The following WDR41 variants were observed in gnomAD, a reference collection of about 807,000 sequenced individuals.
WDR41 encodes the protein WD repeat domain 41.
A neutral mutation model predicts 69.3 loss-of-function variants in WDR41; 63 were observed. The ratio of observed to expected loss-of-function variants is 0.91; its 90% CI spans 0.74 to 1.12. The LOEUF (loss-of-function observed/expected upper bound fraction) is 1.12. Among genes scored for constraint, WDR41 ranks in the 50% most tolerant of loss-of-function variants. The pLI, the probability that WDR41 is intolerant of heterozygous loss-of-function variation, is 0.00. For missense variants in WDR41, 543 were observed against 534.5 expected (o/e 1.02, Z -0.16); for synonymous variants, 185 against 192.1 (o/e 0.96, Z 0.31).
chr5:77,590,695 A>G (rs1431875297), intron 1 of WDR41, among the ~76,000 whole-genome samples: 1 of 152,204 alleles, frequency 6.6e-6, no homozygotes, highest in East Asian at 1.9e-4. Flanking sequence ...CTGTGTGATA[A>G]GGGAGGAGTC....
chr5:77,567,845 C>T (rs1743661813), intron 1 of WDR41, among the ~76,000 whole-genome samples: 2 of 151,906 alleles, frequency 1.3e-5, no homozygotes, highest in East Asian at 1.9e-4. Flanking sequence ...TCCTCCTACT[C>T]CTCCCGTCTC....
intron 1 of WDR41, among the ~76,000 whole-genome samples, chr5:77,511,476 C>T (rs1802202569): frequency 6.6e-6 from 1 of 152,184 alleles, no homozygotes; most frequent in Non-Finnish European, 1.5e-5. Flanking sequence ...TCCACCATAA[C>T]ATATTCCATT....
intron 11 of WDR41, among the ~76,000 whole-genome samples, chr5:77,436,833 T>C (rs1216089424): frequency 2.6e-5 from 4 of 152,210 alleles, no homozygotes; most frequent in Non-Finnish European, 2.9e-5. Context: ...TCTGATTTCT[T>C]GTGCAAAGGT....
chr5:77,534,088 G>A (rs568336193), intron 1 of WDR41, among the ~76,000 whole-genome samples: 1 of 152,212 alleles, frequency 6.6e-6, no homozygotes, highest in Non-Finnish European at 1.5e-5. Flanking sequence ...GTTCACCGCT[G>A]CAGCTGAATC....
intron 1 of WDR41, among the ~76,000 whole-genome samples, chr5:77,599,501 G>A (rs1310077537): frequency 1.3e-5 from 2 of 151,868 alleles, no homozygotes; most frequent in Non-Finnish European, 2.9e-5. Flanking sequence ...CACCCTGCCT[G>A]GAAGCTCTTA....
intron 1 of WDR41, among the ~76,000 whole-genome samples, chr5:77,509,790 T>C (rs1028605022): frequency 2.6e-5 from 4 of 152,194 alleles, no homozygotes; most frequent in African/African-American, 9.7e-5. Context: ...TATCTGTAAA[T>C]AGGTTAAAAA....
At chr5:77,548,191 A>G (rs1042581677) in intron 1 of WDR41, among the ~76,000 whole-genome samples, 3 of 152,210 alleles carry the variant, frequency 2.0e-5, no homozygotes, top group African/African-American at 7.2e-5. Context: ...AGAAGATAAC[A>G]TTGGAAAAAC....
At chr5:77,601,691 C>A (rs1397584900) in intron 1 of WDR41, among the ~76,000 whole-genome samples, 1 of 152,188 alleles carries the variant, frequency 6.6e-6, no homozygotes, top group African/African-American at 2.4e-5. Flanking sequence ...GTTCACCACC[C>A]AATGGCTCAT....
chr5:77,583,467 G>T (rs562094773), intron 1 of WDR41, among the ~76,000 whole-genome samples: 1 of 150,742 alleles, frequency 6.6e-6, no homozygotes, highest in African/African-American at 2.4e-5. Flanking sequence ...AGTTGAGATC[G>T]TACCACCACA....
intron 4 of WDR41, among the ~76,000 whole-genome samples, chr5:77,462,101 T>C (rs1800094233): frequency 6.6e-6 from 1 of 151,996 alleles, no homozygotes; most frequent in African/African-American, 2.4e-5. Context: ...ATTTTTTTCA[T>C]CTGTAAATAA....
intron 2 of WDR41, among the ~76,000 whole-genome samples, chr5:77,466,909 T>C (rs1441421533): frequency 6.6e-6 from 1 of 151,592 alleles, no homozygotes; most frequent in Non-Finnish European, 1.5e-5. Flanking sequence ...CACATATTAG[T>C]ACCTGTCATA....
chr5:77,524,695 T>C (rs1390546563), intron 1 of WDR41, among the ~76,000 whole-genome samples: 1 of 152,186 alleles, frequency 6.6e-6, no homozygotes, highest in East Asian at 1.9e-4. Flanking sequence ...CTCAACTCCA[T>C]AGCTCTTACT....
At chr5:77,544,891 C>A (rs145044705) in intron 1 of WDR41, among the ~76,000 whole-genome samples, 1 of 151,922 alleles carries the variant, frequency 6.6e-6, no homozygotes, top group Non-Finnish European at 1.5e-5. Flanking sequence ...GCGCATGGAA[C>A]TTTCTCCAGG....
At chr5:77,523,540 T>C (rs1192829829) in intron 1 of WDR41, among the ~76,000 whole-genome samples, 1 of 152,066 alleles carries the variant, frequency 6.6e-6, no homozygotes, top group Admixed American at 6.5e-5. Context: ...CAGTAAAGTA[T>C]ACTAGTGCCA....
chr5:77,614,368 T>G (rs1335974168), intron 1 of WDR41, among the ~76,000 whole-genome samples: 1 of 151,682 alleles, frequency 6.6e-6, no homozygotes, highest in African/African-American at 2.4e-5. Context: ...GTGGCACTAT[T>G]CACAATAGCA....
chr5:77,430,969 T>TGAGAA lies in WDR41; in HGVS notation c.*2161_*2165dup, dbSNP rs763452470. 2.0e-5 allele frequency: 3 copies of TGAGAA among 152,114 alleles called. No individual in the cohort carries two copies. The highest frequency in any genetic ancestry group is 4.4e-5 in the Non-Finnish European group (3 of 68,026). 9.4% of individuals were successfully genotyped at this position (152,114 alleles called of 1,614,324 possible). On this transcript the variant is annotated 3_prime_UTR_variant, in exon 13 of 13. Transcript: ENST00000296679. The stretch of plus-strand genomic sequence containing the variant: ...AATCTCATGATCAAACTTTAATAGA[T>TGAGAA]GAGAAGTTGCTTAAGAATGTGTATA...
intron 1 of WDR41, among the ~76,000 whole-genome samples, chr5:77,503,908 C>A (rs907165317): frequency 6.6e-6 from 1 of 152,028 alleles, no homozygotes; most frequent in Non-Finnish European, 1.5e-5. Context: ...GCACTAAATG[C>A]CCACAAGGGA....
chr5:77,558,641 A>G (rs1461041139), intron 1 of WDR41, among the ~76,000 whole-genome samples: 1 of 152,352 alleles, frequency 6.6e-6, no homozygotes, highest in African/African-American at 2.4e-5. Flanking sequence ...AGTCTTCTGC[A>G]TAGAGAAATA....
rs772173782 is a variant in WDR41, at chr5:77,463,184, T to A, written c.259A>T (p.Ile87Leu). 1 of 1,612,938 alleles carries A rather than the reference T, an allele frequency of 6.2e-7. No homozygotes were observed. Among genetic ancestry groups the A allele is most frequent in the Non-Finnish European group, 8.5e-7 (1 of 1,179,422 alleles). Reference sequence around the variant, plus strand: ...GAAGGAAATGTAATAATAGCTGTTATCTTTTGAGTGTGTCCATTCAGTTCT... The same window carrying A: ...GAAGGAAATGTAATAATAGCTGTTAACTTTTGAGTGTGTCCATTCAGTTCT... ...LLELNGHTQKITAIITFPSLE... is the reference protein window; with the variant it reads ...LLELNGHTQKLTAIITFPSLE... The change falls in exon 4 of 13, where the codon ATA becomes TTA. Residue 87 changes from isoleucine to leucine, a missense_variant. Transcript: ENST00000296679.
Sources: gnomAD v4.1 joint callset for allele counts (sites outside exome capture counted in the v4.1 genomes callset) on GRCh38, gnomAD v4.1.1 for gene constraint, MANE v1.5 for transcripts, NCBI Gene and HGNC (gene_info 2026-07-23, HGNC 2026-07-21) for gene names.